MTOR: variants seen among roughly 807,000 people sequenced by gnomAD.
MTOR encodes serine/threonine-protein kinase mTOR.
Under a neutral mutation model 319.8 loss-of-function variants are expected in MTOR, and 70 were observed. The observed-to-expected ratio is 0.22, with a 90% CI of 0.18 to 0.27. The LOEUF (loss-of-function observed/expected upper bound fraction) is 0.27, where lower values mean the gene tolerates loss of function less well. Ranked by LOEUF, MTOR falls within the 10% of genes least tolerant of loss-of-function variation. The pLI is 1.00. For synonymous variants in MTOR, 1,183 were observed against 1,211.4 expected (o/e 0.98, Z 0.49); for missense variants, 1,890 against 3,274.4 (o/e 0.58, Z 10.32).
Position 11,133,144 on chromosome 1 carries a change from C to T in MTOR, c.5300G>A (p.Ser1767Asn). Reference protein sequence around the residue: ...WQLNLQGINESTIPKVLQYYS... With the variant: ...WQLNLQGINENTIPKVLQYYS... ...GTACTGCAGCACTTTGGGGATTGTGCTCTCATTGATGCCCTGTAGATTCAG... is the reference window on the plus strand; with the variant it reads ...GTACTGCAGCACTTTGGGGATTGTGTTCTCATTGATGCCCTGTAGATTCAG... Residue 1767 changes from serine (S) to asparagine (N), a missense_variant, in exon 38 of 58, where the codon AGC becomes AAC. By Grantham distance (46) the Ser-to-Asn change is conservative (BLOSUM62 1). Transcript: ENST00000361445. This position sits in a 1 kb window ranked among gnomAD's most constrained non-coding sequence, Gnocchi z 4.0. 4 of 1,614,134 alleles carry T rather than the reference C, an allele frequency of 2.5e-6. No individual in the cohort carries two copies. Among genetic ancestry groups the T allele is most frequent in the Non-Finnish European group, 3.4e-6 (4 of 1,180,012 alleles).
chr1:11,139,569 G>A lies in MTOR; in HGVS notation c.4962C>T (p.Leu1654=). ...TCTTGCCGCACAGGCTTGCATACTT[G>A]AGCCAGGTTCTCATGTCTTCATGAG... ...VSPHEDMRTW[L]KYASLCGKSG... is the part of the protein sequence containing the mutation. The change falls in exon 35 of 58, where the codon CTC becomes CTT. Residue 1654 remains leucine (L), a synonymous_variant. Transcript: ENST00000361445. The A allele has an allele frequency of 6.2e-7, 1 of 1,614,188 alleles. No homozygotes were observed. Among genetic ancestry groups the A allele is most frequent in the South Asian group, 1.1e-5 (1 of 91,082 alleles).
intron 28 of MTOR, chr1:11,194,899 T>C: frequency 6.2e-7 from 1 of 1,613,998 alleles, no homozygotes; most frequent in Non-Finnish European, 8.5e-7. Flanking sequence ...CTCAATGGAG[T>C]GTACTACCGC....
At chr1:11,252,356 C>T (rs908160293) in intron 6 of MTOR, among the ~76,000 whole-genome samples, 4 of 151,790 alleles carry the variant, frequency 2.6e-5, no homozygotes, top group African/African-American at 4.8e-5. Flanking sequence ...AGGCTGGTCA[C>T]GAACTCCTGG....
rs1179620851 is a variant in MTOR, at chr1:11,133,011, C to G, written c.5364+69G>C. 1.5e-6 allele frequency: 2 copies of G among 1,339,574 alleles called. No individual in the cohort carries two copies. The highest frequency in any genetic ancestry group is 2.9e-5 in the African/African-American group (2 of 69,450). The allele number at this position is 1,339,574 out of a possible 1,614,324, so 83.0% of individuals were successfully genotyped here. On this transcript the variant is annotated intron_variant, in intron 38 of 57. Transcript: ENST00000361445. This position sits in a 1 kb window ranked among gnomAD's most constrained non-coding sequence, Gnocchi z 4.0. ...TAGCTCCGCAGAAGCTCAGCTGTAACCACGAGCACACAGGAGGACACGAGC... is the reference window on the plus strand; with the variant it reads ...TAGCTCCGCAGAAGCTCAGCTGTAAGCACGAGCACACAGGAGGACACGAGC...
At chr1:11,216,821 T>G (rs1646487317) in intron 19 of MTOR, among the ~76,000 whole-genome samples, 2 of 152,176 alleles carry the variant, frequency 1.3e-5, no homozygotes, top group Non-Finnish European at 2.9e-5. Flanking sequence ...AAAATGGAGA[T>G]AATAATACTT....
At chr1:11,224,374 G>A (rs1646763498) in intron 19 of MTOR, among the ~76,000 whole-genome samples, 1 of 152,056 alleles carries the variant, frequency 6.6e-6, no homozygotes, top group East Asian at 1.9e-4. Flanking sequence ...TTACCAGGAA[G>A]ATATCAGGAT....
chr1:11,229,348 A>C (rs2100859508), intron 18 of MTOR, among the ~76,000 whole-genome samples: 1 of 152,350 alleles, frequency 6.6e-6, no homozygotes, highest in East Asian at 1.9e-4. Context: ...GTAGGCAAAT[A>C]CTACCTACCT....
intron 49 of MTOR, 48 bp from the exon 50 acceptor site, chr1:11,117,134 T>G: frequency 7.1e-7 from 1 of 1,412,680 alleles, no homozygotes; most frequent in Non-Finnish European, 9.8e-7. Context: ...AACTTTAATT[T>G]CAACATAATT....
chr1:11,236,819 T>C (rs1266266278), intron 13 of MTOR, among the ~76,000 whole-genome samples: 1 of 152,122 alleles, frequency 6.6e-6, no homozygotes, highest in Non-Finnish European at 1.5e-5. Flanking sequence ...CCTTCAACAA[T>C]GATTTCTATT....
At chr1:11,125,936 G>A (rs1258998635) in intron 46 of MTOR, among the ~76,000 whole-genome samples, 1 of 151,164 alleles carries the variant, frequency 6.6e-6, no homozygotes, top group East Asian at 1.9e-4. Flanking sequence ...AGCTACGCGG[G>A]AGGCTGAGAC....
At chr1:11,198,683 A>G (rs917895881) in intron 28 of MTOR, among the ~76,000 whole-genome samples, 4 of 152,244 alleles carry the variant, frequency 2.6e-5, no homozygotes, top group Non-Finnish European at 4.4e-5. Context: ...TCCTAACAGC[A>G]GAAAATTTAT....
intron 28 of MTOR, among the ~76,000 whole-genome samples, chr1:11,186,082 C>CAAA (rs765868801): frequency 0.065 from 2,796 of 42,904 alleles, 204 homozygotes; most frequent in South Asian, 0.14. Flanking sequence ...GACTCCGTCT[C>CAAA]AAAAAAAAAA....
intron 26 of MTOR, among the ~76,000 whole-genome samples, chr1:11,201,521 G>A (rs1205572066): frequency 6.6e-6 from 1 of 152,036 alleles, no homozygotes; most frequent in African/African-American, 2.4e-5. Context: ...GAAGTGAAAT[G>A]CCTTGCTTTC....
intron 25 of MTOR, among the ~76,000 whole-genome samples, chr1:11,207,489 C>T (rs1288752420): frequency 7.1e-6 from 1 of 141,662 alleles, no homozygotes; most frequent in Admixed American, 7.6e-5. Context: ...GCTCACTGCA[C>T]CCTGGAACTC....
At chr1:11,243,947 G>C (rs1328848564) in intron 8 of MTOR, among the ~76,000 whole-genome samples, 1 of 151,840 alleles carries the variant, frequency 6.6e-6, no homozygotes, top group East Asian at 1.9e-4. Context: ...TTGAGTCCAG[G>C]AGTTTGAGGC....
chr1:11,246,813 G>A (rs1409442520), intron 8 of MTOR, among the ~76,000 whole-genome samples: 1 of 152,238 alleles, frequency 6.6e-6, no homozygotes, highest in Non-Finnish European at 1.5e-5. Context: ...CATTAAGTAT[G>A]AACAGGCAAC....
chr1:11,167,933 G>A (rs1644697792), intron 28 of MTOR, among the ~76,000 whole-genome samples: 1 of 152,176 alleles, frequency 6.6e-6, no homozygotes, highest in South Asian at 2.1e-4. Context: ...AGCCGGGCGT[G>A]GTGGCAGGCA....
At chr1:11,141,989 A>G (rs947691394) in intron 34 of MTOR, among the ~76,000 whole-genome samples, 4 of 151,494 alleles carry the variant, frequency 2.6e-5, no homozygotes, top group African/African-American at 9.7e-5. Flanking sequence ...GGACTCAGCG[A>G]GACTCCGTCT....
At chr1:11,220,854 A>G (rs1165373421) in intron 19 of MTOR, among the ~76,000 whole-genome samples, 4 of 152,196 alleles carry the variant, frequency 2.6e-5, no homozygotes, top group Non-Finnish European at 5.9e-5. Context: ...GTAATCTGTT[A>G]TAGCAGCAAT....
Sources: allele counts gnomAD v4.1 joint callset (sites outside exome capture counted in the v4.1 genomes callset), GRCh38; gene constraint gnomAD v4.1.1; non-coding constraint Gnocchi (gnomAD v3.1); transcripts MANE v1.5; gene names NCBI Gene and HGNC (gene_info 2026-07-23, HGNC 2026-07-21).